Variants in RBL1 observed in about 807,000 individuals in gnomAD.
The protein encoded by RBL1 is RB transcriptional corepressor like 1.
Under a neutral mutation model 123.0 loss-of-function variants are expected in RBL1, and 82 were observed. The observed-to-expected ratio is 0.67, with a 90% CI of 0.56 to 0.80. The LOEUF (loss-of-function observed/expected upper bound fraction) is 0.80. RBL1 is among the 30% of genes least tolerant of loss of function. The probability of loss-of-function intolerance (pLI) is 0.00; values close to 1 mark genes in which losing one functional copy is unlikely to be tolerated. For missense variants in RBL1, 1,171 were observed against 1,299.6 expected (o/e 0.90, Z 1.52); for synonymous variants, 405 against 441.3 (o/e 0.92, Z 1.03).
intron 2 of RBL1, among the ~76,000 whole-genome samples, chr20:37,073,393 TTC>T (rs1438041669): frequency 2.6e-5 from 4 of 152,086 alleles, no homozygotes; most frequent in African/African-American, 9.7e-5. Flanking sequence ...TTCATTGGGA[TTC>T]TGTTACAAAG....
At chr20:37,091,574 G>A (rs572700186) in intron 1 of RBL1, among the ~76,000 whole-genome samples, 1 of 151,336 alleles carries the variant, frequency 6.6e-6, no homozygotes, top group African/African-American at 2.4e-5. Context: ...ACTGAGATGG[G>A]AGGATCATTT....
At chr20:37,013,090 C>T (rs1236897382) in intron 19 of RBL1, among the ~76,000 whole-genome samples, 5 of 152,210 alleles carry the variant, frequency 3.3e-5, no homozygotes, top group African/African-American at 4.8e-5. Flanking sequence ...GGAGGTGTAC[C>T]CAACAGCTCA....
intron 11 of RBL1, among the ~76,000 whole-genome samples, chr20:37,054,773 T>G (rs1600540113): frequency 6.6e-6 from 1 of 151,600 alleles, no homozygotes; most frequent in African/African-American, 2.4e-5. Flanking sequence ...GAGGTTGCAG[T>G]GAGCCGAGAT....
intron 2 of RBL1, among the ~76,000 whole-genome samples, chr20:37,073,903 G>A (rs1164309166): frequency 6.6e-6 from 1 of 151,384 alleles, no homozygotes; most frequent in Middle Eastern, 3.4e-3. Context: ...TCAGGAGATC[G>A]AGACCATCCT....
intron 1 of RBL1, among the ~76,000 whole-genome samples, chr20:37,089,369 A>C (rs1253416340): frequency 1.3e-4 from 20 of 151,978 alleles, no homozygotes. Context: ...TAAAGATAAA[A>C]GCCTGGCTTG....
chr20:37,033,999 C>T (rs963672138), intron 15 of RBL1, among the ~76,000 whole-genome samples: 25 of 149,228 alleles, frequency 1.7e-4, no homozygotes, highest in Non-Finnish European at 3.0e-4. Context: ...AGTACAGTAG[C>T]GTGATCATGG....
intron 2 of RBL1, among the ~76,000 whole-genome samples, chr20:37,076,031 AAGGCAATCATGG>A (rs2065358158): frequency 6.6e-6 from 1 of 152,190 alleles, no homozygotes; most frequent in Admixed American, 6.5e-5. Context: ...TTTCTCCACT[AAGGCAATCATGG>A]TTGCCTTAGG....
At chr20:37,035,797 G>A (rs145725676) in intron 14 of RBL1, among the ~76,000 whole-genome samples, 28 of 152,344 alleles carry the variant, frequency 1.8e-4, no homozygotes, top group African/African-American at 6.3e-4. Context: ...GAGGTAGAAT[G>A]AAGTGAGCAC....
chr20:37,095,986 C>G lies in RBL1; in HGVS notation c.-58G>C. 1 of 1,365,208 alleles carries G rather than the reference C, an allele frequency of 7.3e-7. No individual in the cohort carries two copies. The highest frequency in any genetic ancestry group is 9.7e-7 in the Non-Finnish European group (1 of 1,030,518). The allele number at this position is 1,365,208 out of a possible 1,614,324, so 84.6% of individuals were successfully genotyped here. A position where few individuals can be genotyped will look rare whatever the true frequency, so the allele number is the denominator to read the frequency against. ...CCCCGACTTCTTTCTCCCTCCCAGGCGCGCTACCCACAACCACCTGCGCCA... is the reference window on the plus strand; with the variant it reads ...CCCCGACTTCTTTCTCCCTCCCAGGGGCGCTACCCACAACCACCTGCGCCA... On this transcript the variant is annotated 5_prime_UTR_variant, in exon 1 of 22. Transcript: ENST00000373664.
At chr20:37,060,836 T>C (rs552303649) in intron 9 of RBL1, among the ~76,000 whole-genome samples, 2 of 152,120 alleles carry the variant, frequency 1.3e-5, no homozygotes, top group South Asian at 4.1e-4. Context: ...TTGGCCAAGC[T>C]GGAATTAGTC....
intron 18 of RBL1, among the ~76,000 whole-genome samples, chr20:37,018,978 A>C (rs1238761934): frequency 6.6e-6 from 1 of 152,108 alleles, no homozygotes; most frequent in Non-Finnish European, 1.5e-5. Context: ...AAACAAACAA[A>C]AAACAAAAGA....
chr20:37,086,554 A>T (rs976634874), intron 2 of RBL1, among the ~76,000 whole-genome samples: 2 of 151,982 alleles, frequency 1.3e-5, no homozygotes, highest in East Asian at 1.9e-4. Context: ...AAATAAAAAT[A>T]AAAAAAAATT....
intron 13 of RBL1, 77 bp from the exon 14 acceptor site, chr20:37,040,362 C>CT (rs1388708120): frequency 3.2e-6 from 5 of 1,543,192 alleles, no homozygotes; most frequent in East Asian, 2.3e-5. Flanking sequence ...GTTTTCTTTT[C>CT]TTTTTTTGAG....
rs546437409 is a variant in RBL1, at chr20:37,001,166, G to A, written c.3037-2237C>T. On this transcript the variant is annotated intron_variant, in intron 21 of 21. Coordinates refer to ENST00000373664, the MANE Select transcript of RBL1 (RefSeq NM_002895.5). ...CCCGGCCAGCCGCCCCGTCCGGGAG[G>A]TGAGGGGCGCCTCTGCCCGGCCGCC... Among the ~76,000 whole-genome samples, 449 of 150,548 alleles carry A rather than the reference G, an allele frequency of 3.0e-3. 5 individuals carry two copies. The highest frequency in any genetic ancestry group is 0.011 in the African/African-American group (439 of 40,980).
chr20:37,064,045 C>T (rs1350701346), intron 7 of RBL1, among the ~76,000 whole-genome samples: 1 of 151,510 alleles, frequency 6.6e-6, no homozygotes, highest in Non-Finnish European at 1.5e-5. Flanking sequence ...TGGTCTCCAA[C>T]CTTCTGAGCT....
At chr20:37,052,025 ATTTTAT>A (rs1318560071) in intron 11 of RBL1, among the ~76,000 whole-genome samples, 2 of 151,348 alleles carry the variant, frequency 1.3e-5, no homozygotes, top group African/African-American at 4.8e-5. Context: ...TTATTTATTT[ATTTTAT>A]TTTTAAGTTT....
chr20:37,018,257 T>A (rs1477426038), intron 19 of RBL1, 22 bp downstream of exon 19: 3 of 1,592,732 alleles, frequency 1.9e-6, no homozygotes, highest in Admixed American at 3.6e-5. Context: ...TTACATATAA[T>A]ATGTTAAATT....
Position 37,040,233 on chromosome 20 carries a change from T to C in RBL1, c.1823A>G (p.His608Arg). Residue 608 changes from histidine (H) to arginine (R), a missense_variant, in exon 14 of 22, where the codon CAT (histidine) becomes CGT (arginine). Physicochemically the swap from His to Arg is conservative, Grantham distance 29 (BLOSUM62 0). Coordinates refer to ENST00000373664, the MANE Select transcript of RBL1 (RefSeq NM_002895.5). ...AGGAGACATTGGCATCAGGGGAAGA[T>C]GTCCCTGCACATTTCCTCCATTTCC... Reference protein sequence around the residue: ...ETGNGGNVQGHLPLMPMSPLM... With the variant: ...ETGNGGNVQGRLPLMPMSPLM... The C allele has an allele frequency of 1.2e-6, 2 of 1,614,176 alleles. No individual in the cohort carries two copies. Among genetic ancestry groups the C allele is most frequent in the Non-Finnish European group, 1.7e-6 (2 of 1,180,016 alleles).
chr20:37,053,997 ATGG>A (rs1411248857), intron 11 of RBL1, among the ~76,000 whole-genome samples: 2 of 150,838 alleles, frequency 1.3e-5, no homozygotes, highest in African/African-American at 4.9e-5. Flanking sequence ...TATTTTGGTT[ATGG>A]TTAATCTATG....
Sources: allele counts gnomAD v4.1 joint callset (sites outside exome capture counted in the v4.1 genomes callset), GRCh38; gene constraint gnomAD v4.1.1; transcripts MANE v1.5; gene names NCBI Gene and HGNC (gene_info 2026-07-23, HGNC 2026-07-21).